Variants in MAP7D2 observed in about 807,000 individuals in gnomAD.
The protein encoded by MAP7D2 is MAP7 domain containing 2.
A neutral mutation model predicts 63.5 loss-of-function variants in MAP7D2; 33 were observed. The ratio of observed to expected loss-of-function variants is 0.52; its 90% CI spans 0.39 to 0.70. The LOEUF (loss-of-function observed/expected upper bound fraction) is 0.70, where lower values mean the gene tolerates loss of function less well. MAP7D2 is among the 30% of genes least tolerant of loss of function. The pLI is 0.00. For missense variants in MAP7D2, 626 were observed against 604.0 expected, an observed-to-expected ratio of 1.04 and a Z score of -0.38; for synonymous variants, 224 against 223.7, an observed-to-expected ratio of 1.00 and a Z score of -0.01.
At chrX:20,109,352 T>A (rs2066664104) in intron 1 of MAP7D2, among the ~76,000 whole-genome samples, 1 of 108,397 alleles carries the variant, frequency 9.2e-6, no homozygotes, top group Non-Finnish European at 1.9e-5. Context: ...AAACCCCATC[T>A]TTACTAAAAG....
chrX:20,028,492 C>T (rs1051953315), intron 8 of MAP7D2, among the ~76,000 whole-genome samples: 1 of 112,499 alleles, frequency 8.9e-6, no homozygotes. Flanking sequence ...ACTGACAGTG[C>T]TCCATTGAGC....
intron 1 of MAP7D2, among the ~76,000 whole-genome samples, chrX:20,100,817 T>C (rs1439580199): frequency 1.8e-5 from 2 of 109,473 alleles, no homozygotes; most frequent in African/African-American, 6.7e-5. Context: ...AGGTCGGGAG[T>C]TCGAGACCAG....
At chrX:20,026,850 T>C (rs1218236977) in intron 8 of MAP7D2, among the ~76,000 whole-genome samples, 2 of 111,835 alleles carry the variant, frequency 1.8e-5, no homozygotes, top group Non-Finnish European at 3.8e-5. Flanking sequence ...GATGTGGGCA[T>C]TTGTACAGAG....
chrX:20,034,250 A>C (rs916931683), intron 8 of MAP7D2, among the ~76,000 whole-genome samples: 19 of 103,567 alleles, frequency 1.8e-4, no homozygotes, highest in African/African-American at 6.2e-4. Context: ...AAAAAAAAAA[A>C]AACAGAATGA....
At chrX:20,056,513 C>T (rs2065071988) in intron 4 of MAP7D2, among the ~76,000 whole-genome samples, 167 bp downstream of exon 4, 1 of 112,138 alleles carries the variant, frequency 8.9e-6, no homozygotes, top group Admixed American at 9.4e-5. Context: ...CAAATGCATG[C>T]GTAGGAATCT....
intron 8 of MAP7D2, among the ~76,000 whole-genome samples, chrX:20,027,757 G>GGA (rs56796954): frequency 0.019 from 1,480 of 76,202 alleles, 66 homozygotes; most frequent in East Asian, 0.041. Context: ...GAAGGCGGGG[G>GGA]GAGAGAGAGA....
chrX:20,110,128 C>T (rs1402831992), intron 1 of MAP7D2, among the ~76,000 whole-genome samples: 2 of 103,478 alleles, frequency 1.9e-5, no homozygotes, highest in Non-Finnish European at 3.9e-5. Context: ...CCCAAAACAA[C>T]GACACAGTAT....
rs1418860719 is a variant in MAP7D2, at chrX:20,098,327, T to C, written c.130+18423A>G. ...CAAGCCAGTAGGTGATCAGATTAAG[T>C]GGGAAATTCTTAACTGAGATGAAAG... On this transcript the variant is annotated intron_variant, in intron 1 of 16. Transcript: ENST00000379643. Among the ~76,000 whole-genome samples the C allele has an allele frequency of 2.7e-5, 3 of 112,171 alleles. No individual in the cohort carries two copies. The Admixed American group carries it at 2.8e-4, about 11-fold the overall frequency.
chrX:20,066,551 A>G (rs1441000910), intron 1 of MAP7D2, among the ~76,000 whole-genome samples: 8 of 112,327 alleles, frequency 7.1e-5, no homozygotes, highest in African/African-American at 2.6e-4. Flanking sequence ...TCTCTTAATC[A>G]TTATGACACT....
chrX:20,093,001 C>T (rs1032317627), intron 1 of MAP7D2, among the ~76,000 whole-genome samples: 38 of 112,038 alleles, frequency 3.4e-4, no homozygotes, highest in African/African-American at 1.1e-3. Context: ...GCTCCCCAGG[C>T]TGTGTGACTG....
chrX:20,066,625 G>A (rs5955880), intron 1 of MAP7D2, among the ~76,000 whole-genome samples: 34,752 of 110,443 alleles, frequency 0.31, 5,933 homozygotes, highest in African/African-American at 0.66. Flanking sequence ...CAGCCACCCC[G>A]CAATCTGACT....
At chrX:20,060,428 GAGAGAGAA>G (rs745362834) in intron 3 of MAP7D2, among the ~76,000 whole-genome samples, 7,927 of 80,100 alleles carry the variant, frequency 0.099, 415 homozygotes, top group African/African-American at 0.13. Flanking sequence ...GAGAGAGAGA[GAGAGAGAA>G]AGAAAGAAAG....
chrX:20,027,833 T>C (rs1307078698), intron 8 of MAP7D2, among the ~76,000 whole-genome samples: 3 of 107,902 alleles, frequency 2.8e-5, no homozygotes, highest in South Asian at 8.4e-4. Context: ...ACACACTCTG[T>C]CTGTACCCAG....
chrX:20,082,935 G>A (rs773870633), intron 1 of MAP7D2, among the ~76,000 whole-genome samples: 2 of 112,148 alleles, frequency 1.8e-5, no homozygotes, highest in Non-Finnish European at 3.8e-5. Flanking sequence ...GCCACAGATA[G>A]ATTATTTTTA....
rs2073259506 is a variant in MAP7D2 at position 20,013,124 on chromosome X, G to T, written c.1815C>A (p.Asp605Glu). The change falls in exon 14 of 17, where the codon GAC (aspartate) becomes GAA (glutamate). Residue 605 changes from aspartate (D) to glutamate (E), a missense_variant. Physicochemically the swap from Asp to Glu is conservative, Grantham distance 45. Transcript: ENST00000379643. ...CAGCAGGCTGGACCCCCACTTTGGGGTCTTCTTTCTGAAAACAAATGGAAG... is the reference window on the plus strand; with the variant it reads ...CAGCAGGCTGGACCCCCACTTTGGGTTCTTCTTTCTGAAAACAAATGGAAG... ...SDVSPQVKKE[D>E]PKVGVQPAVC... is the part of the protein sequence containing the mutation. 8.3e-7 allele frequency: 1 copy of T among 1,203,597 alleles called. No individual in the cohort carries two copies. Among genetic ancestry groups the T allele is most frequent in the Admixed American group, 2.2e-5 (1 of 45,383 alleles).
rs986798407 is a variant in MAP7D2 at position 20,114,669 on chromosome X, C to T, written c.130+2081G>A. Among the ~76,000 whole-genome samples the T allele has an allele frequency of 6.2e-5, 7 of 112,372 alleles. No individual in the cohort carries two copies. In the Admixed American group the frequency reaches 6.6e-4, roughly 11 times the overall value. On this transcript the variant is annotated intron_variant, in intron 1 of 16. Transcript: ENST00000379643. ...CGGTATTTCCTTTCCGTCTTTTACA[C>T]AGCTCCCAGGAAAACCACTTGCCAA...
At chrX:20,022,639 G>T (rs377084102) in intron 10 of MAP7D2, among the ~76,000 whole-genome samples, 1 of 111,635 alleles carries the variant, frequency 9.0e-6, no homozygotes, top group African/African-American at 3.3e-5. Flanking sequence ...AGAAGGAAAG[G>T]AAAGAGCTGA....
At chrX:20,088,494 T>G (rs1283262261) in intron 1 of MAP7D2, among the ~76,000 whole-genome samples, 2 of 52,129 alleles carry the variant, frequency 3.8e-5, no homozygotes, top group African/African-American at 1.3e-4. Flanking sequence ...TTTTTTTTTT[T>G]TTTTTTTTTT....
intron 6 of MAP7D2, among the ~76,000 whole-genome samples, chrX:20,048,168 T>C (rs1255747400): frequency 8.9e-6 from 1 of 111,904 alleles, no homozygotes; most frequent in Non-Finnish European, 1.9e-5. Context: ...CCTTTAACTG[T>C]TGAGTGGCTC....
Sources: allele counts gnomAD v4.1 joint callset (sites outside exome capture counted in the v4.1 genomes callset), GRCh38; gene constraint gnomAD v4.1.1; transcripts MANE v1.5; gene names NCBI Gene and HGNC (gene_info 2026-07-23, HGNC 2026-07-21).